MYH3: variants seen among roughly 807,000 people sequenced by gnomAD.
MYH3 encodes myosin-3.
MYH3 carries 130 observed loss-of-function variants against 238.0 expected under a neutral mutation model. The ratio of observed to expected loss-of-function variants is 0.55; its 90% CI spans 0.47 to 0.63. MYH3 has a LOEUF of 0.63. Ranked by LOEUF, MYH3 falls within the 30% of genes least tolerant of loss-of-function variation. MYH3 has a pLI of 0.00. For missense variants in MYH3, 1,853 were observed against 2,374.9 expected (o/e 0.78, Z 4.57); for synonymous variants, 880 against 924.1 (o/e 0.95, Z 0.86).
intron 33 of MYH3, among the ~76,000 whole-genome samples, chr17:10,633,246 C>CATG: frequency 6.6e-6 from 1 of 152,264 alleles, no homozygotes; most frequent in South Asian, 2.1e-4. Context: ...GAAATAAAAG[C>CATG]ACGTTTCATT....
At position 10,631,710 on chromosome 17, in the gene MYH3, C is replaced by T. The variant is rs775890850; in HGVS notation, c.5187G>A (p.Lys1729=). 6.8e-6 allele frequency: 11 copies of T among 1,614,076 alleles called. No individual in the cohort carries two copies. The highest frequency in any genetic ancestry group is 9.3e-6 in the Non-Finnish European group (11 of 1,180,054). The change falls in exon 36 of 41, where the codon AAG becomes AAA. Residue 1729 remains lysine, a synonymous_variant. Coordinates refer to ENST00000583535, the MANE Select transcript of MYH3 (RefSeq NM_002470.4). ...TQNTSLIHTK[K]KLETDLMQLQ... ...GCTGCATGAGGTCTGTCTCCAGCTT[C>T]TTCTTGGTGTGGATGAGGCTGGTGT...
At chr17:10,635,888 T>G (rs1203133433) in intron 28 of MYH3, 35 bp from the exon 29 acceptor site, 2 of 1,527,382 alleles carry the variant, frequency 1.3e-6, no homozygotes, top group Non-Finnish European at 9.1e-7. Context: ...ATTTCATTTA[T>G]TCACTCATTC....
chr17:10,665,087 G>A, the MYH3 span, among the ~76,000 whole-genome samples: 1 of 152,140 alleles, frequency 6.6e-6, no homozygotes, highest in Non-Finnish European at 1.5e-5. Flanking sequence ...CAATTTGGGA[G>A]GTAGGGGTTG....
Position 10,635,388 on chromosome 17 carries a change from G to C in MYH3, c.4151C>G (p.Thr1384Arg). The C allele has an allele frequency of 6.2e-7, 1 of 1,614,028 alleles. No homozygotes were observed. The highest frequency in any genetic ancestry group is 1.7e-4 in the Middle Eastern group (1 of 6,056). Residue 1384 changes from threonine to arginine, a missense_variant, in exon 30 of 41, where the codon ACA (threonine) becomes AGA (arginine). By Grantham distance (71) the Thr-to-Arg change is moderately conservative. Around this residue, in one of 3 missense-constraint regions of MYH3, gnomAD observed 1,044 missense variants for 1,192.6 expected, o/e 0.88. Coordinates refer to ENST00000583535, the MANE Select transcript of MYH3 (RefSeq NM_002470.4). ...GCACTTGGCCTCCTCCAGCTCTTCTGTGCGCTGGATGGCGTCCGTCTCGTA... is the reference window on the plus strand; with the variant it reads ...GCACTTGGCCTCCTCCAGCTCTTCTCTGCGCTGGATGGCGTCCGTCTCGTA... ...TKYETDAIQR[T>R]EELEEAKKKL...
chr17:10,644,052 C>T (rs2074297271), intron 14 of MYH3, among the ~76,000 whole-genome samples: 1 of 151,702 alleles, frequency 6.6e-6, no homozygotes, highest in Non-Finnish European at 1.5e-5. Flanking sequence ...CCCAGCTATT[C>T]AGGAGGCTGA....
At chr17:10,651,107 C>T (rs1054485855) in intron 5 of MYH3, among the ~76,000 whole-genome samples, 4 of 150,340 alleles carry the variant, frequency 2.7e-5, no homozygotes, top group Non-Finnish European at 4.4e-5. Context: ...ATCGCTTGAA[C>T]CCGGGAGGCA....
In MYH3 at chr17:10,652,571, G is replaced by T; in HGVS notation, c.205-8C>A. 1 of 1,349,150 alleles carries T rather than the reference G, an allele frequency of 7.4e-7. No homozygotes were observed. 83.6% of individuals were successfully genotyped at this position (1,349,150 alleles called of 1,614,324 possible). ...TGGTTTGACCACCAGGGTCTAAAAA[G>T]GAAGAGGCACAGTGCTTCACTAAGA... On this transcript the variant is annotated splice_polypyrimidine_tract_variant and splice_region_variant and intron_variant, in intron 3 of 40. Coordinates refer to ENST00000583535, the MANE Select transcript of MYH3 (RefSeq NM_002470.4).
At position 10,642,816 on chromosome 17, in the gene MYH3, A is replaced by G; in HGVS notation, c.1581+10T>C. The G allele has an allele frequency of 6.2e-7, 1 of 1,614,122 alleles. No homozygotes were observed. Among genetic ancestry groups the G allele is most frequent in the Non-Finnish European group, 8.5e-7 (1 of 1,180,014 alleles). On this transcript the variant is annotated intron_variant, in intron 15 of 40. Transcript: ENST00000583535. This position sits in a 1 kb window ranked among gnomAD's most constrained non-coding sequence, Gnocchi z 5.4. ...TGAGAAGAGCTTACGGTGGGGATGG[A>G]ACTGGATACCTTCTCGATGAGCTCG... is the stretch of plus-strand genomic sequence containing the variant.
chr17:10,667,817 A>T, the MYH3 span, among the ~76,000 whole-genome samples: 1 of 152,196 alleles, frequency 6.6e-6, no homozygotes, highest in Non-Finnish European at 1.5e-5. Context: ...AGGAAGGATA[A>T]ATCAGACACT....
intron 14 of MYH3, among the ~76,000 whole-genome samples, chr17:10,643,525 G>A (rs1288880456): frequency 2.0e-5 from 3 of 152,016 alleles, no homozygotes; most frequent in East Asian, 1.9e-4. Flanking sequence ...ACAGGCGCAC[G>A]CCACCACACC....
chr17:10,633,453 G>A (rs1457945776), intron 33 of MYH3, 138 bp downstream of exon 33: 1 of 1,034,432 alleles, frequency 9.7e-7, no homozygotes, highest in African/African-American at 1.6e-5. Context: ...CAGTTTTGCT[G>A]TGTGACGGGA....
chr17:10,653,606 G>A (rs2142428258), intron 3 of MYH3, among the ~76,000 whole-genome samples: 1 of 152,272 alleles, frequency 6.6e-6, no homozygotes, highest in Admixed American at 6.5e-5. Flanking sequence ...TCGGGAAGCT[G>A]GAGGACCTCA....
At chr17:10,647,833 G>A (rs992904880) in intron 8 of MYH3, among the ~76,000 whole-genome samples, 2 of 152,192 alleles carry the variant, frequency 1.3e-5, no homozygotes, top group African/African-American at 2.4e-5. Context: ...GTGAGCCACC[G>A]TGCCCAGCAC....
At chr17:10,635,646 C>T (rs375322561) in intron 29 of MYH3, 83 bp from the exon 30 acceptor site, 2 of 1,613,608 alleles carry the variant, frequency 1.2e-6, no homozygotes, top group East Asian at 2.2e-5. Context: ...CTTCTATCAC[C>T]ACCTTCTGAA....
In MYH3 at chr17:10,639,299, T is replaced by A. The variant is rs777252035; in HGVS notation, c.3101A>T (p.Asp1034Val). The part of the protein sequence containing the change: ...TKSKLEQQVE[D>V]LESSLEQEKK... Reference sequence around the variant, plus strand: ...TCCCGATGAGCATTATTTACTTACGTCTTCCACTTGCTGTTCCAGTTTGCT... The same window carrying A: ...TCCCGATGAGCATTATTTACTTACGACTTCCACTTGCTGTTCCAGTTTGCT... Residue 1034 changes from aspartate (D) to valine (V), a missense_variant and splice_region_variant, in exon 24 of 41, where the codon GAC (aspartate) becomes GTC (valine). Around this residue, in one of 3 missense-constraint regions of MYH3, gnomAD observed 1,044 missense variants for 1,192.6 expected, o/e 0.88. Coordinates refer to ENST00000583535, the MANE Select transcript of MYH3 (RefSeq NM_002470.4). The A allele has an allele frequency of 6.2e-7, 1 of 1,614,168 alleles. No homozygotes were observed. The highest frequency in any genetic ancestry group is 1.1e-5 in the South Asian group (1 of 91,082).
At chr17:10,659,087 T>C (rs953694222), upstream of MYH3, 2 of 152,106 alleles carry the variant, frequency 1.3e-5, no homozygotes, top group Non-Finnish European at 2.9e-5. Flanking sequence ...AGTTCCTACG[T>C]CAACACCCAG....
At position 10,635,794 on chromosome 17, in the gene MYH3, T is replaced by G; in HGVS notation, c.3916A>C (p.Lys1306Gln). The stretch of plus-strand genomic sequence containing the variant: ...TCTGTTTGCTGGGTAAAGGCTTGCT[T>G]GCTCCTGGAAAGTTGGGATACTATG... ...ESIVSQLSRS[K>Q]QAFTQQTEEL... Residue 1306 changes from lysine (K) to glutamine (Q), a missense_variant, in exon 29 of 41, where the codon AAG (lysine) becomes CAG (glutamine). Lys to Gln is a moderately conservative substitution (Grantham distance 53). Coordinates refer to ENST00000583535, the MANE Select transcript of MYH3 (RefSeq NM_002470.4). 6.2e-7 allele frequency: 1 copy of G among 1,614,212 alleles called. No homozygotes were observed. Among genetic ancestry groups the G allele is most frequent in the Non-Finnish European group, 8.5e-7 (1 of 1,180,034 alleles).
At chr17:10,666,262 T>G in the MYH3 span, among the ~76,000 whole-genome samples, 14 of 152,260 alleles carry the variant, frequency 9.2e-5, no homozygotes, top group African/African-American at 3.4e-4. Context: ...TAAAAATCTT[T>G]ATAGGAAAAT....
chr17:10,634,268 AGTT>A, intron 31 of MYH3, 86 bp from the exon 32 acceptor site: 1 of 1,507,866 alleles, frequency 6.6e-7, no homozygotes, highest in South Asian at 1.1e-5. Flanking sequence ...TTAAATGCAG[AGTT>A]AGGGCTACAC....
Sources: gnomAD v4.1 joint callset for allele counts (sites outside exome capture counted in the v4.1 genomes callset) on GRCh38, gnomAD v4.1.1 for gene constraint, gnomAD v4.1.1 regional missense constraint, Gnocchi (gnomAD v3.1) non-coding constraint, MANE v1.5 for transcripts, NCBI Gene and HGNC (gene_info 2026-07-23, HGNC 2026-07-21) for gene names.